TMEM17: variants seen among roughly 807,000 people sequenced by gnomAD.
TMEM17 encodes transmembrane protein 17.
In TMEM17, 15 loss-of-function variants were observed where a neutral mutation model predicts 19.1. The observed-to-expected ratio is 0.78, with a 90% confidence interval of 0.52 to 1.21. The LOEUF (loss-of-function observed/expected upper bound fraction) is 1.21. TMEM17 is among the 50% of genes most tolerant of loss of function. The pLI, the probability that TMEM17 is intolerant of heterozygous loss-of-function variation, is 0.00. For synonymous variants in TMEM17, 103 were observed against 86.9 expected (o/e 1.19, Z -1.03); for missense variants, 245 against 242.3 (o/e 1.01, Z -0.07).
At chr2:62,502,572 GT>G (rs1679957659) in intron 2 of TMEM17, 22 bp from the exon 3 acceptor site, 1 of 1,534,770 alleles carries the variant, frequency 6.5e-7, no homozygotes, top group African/African-American at 1.4e-5. Flanking sequence ...GCCAAAACAT[GT>G]TTGTAAAATC....
At chr2:62,479,672 G>A in the TMEM17 span, among the ~76,000 whole-genome samples, 1 of 152,054 alleles carries the variant, frequency 6.6e-6, no homozygotes, top group South Asian at 2.1e-4. Context: ...GACTGCTTGA[G>A]CCCAGGAGTT....
At chr2:62,505,659 C>T (rs1158462836) in intron 1 of TMEM17, among the ~76,000 whole-genome samples, 1 of 152,214 alleles carries the variant, frequency 6.6e-6, no homozygotes, top group Non-Finnish European at 1.5e-5. Flanking sequence ...CAACTTGGGC[C>T]TTCGCTCTCG....
chr2:62,476,185 C>CA, the TMEM17 span, among the ~76,000 whole-genome samples: 3 of 151,544 alleles, frequency 2.0e-5, no homozygotes, highest in African/African-American at 7.4e-5. Flanking sequence ...ATATAGGGCA[C>CA]AAAAATGCCC....
chr2:62,497,786 G>T (rs73934246), downstream of TMEM17, among the ~76,000 whole-genome samples: 2,893 of 152,316 alleles, frequency 0.019, 91 homozygotes, highest in African/African-American at 0.064. Flanking sequence ...TGGTGTTGAT[G>T]TAGGGTTAAT....
chr2:62,475,482 G>A, the TMEM17 span, among the ~76,000 whole-genome samples: 1 of 152,252 alleles, frequency 6.6e-6, no homozygotes, highest in Non-Finnish European at 1.5e-5. Flanking sequence ...CTGTTTTCTA[G>A]GCTGCTGCTC....
At chr2:62,464,034 T>G in the TMEM17 span, 2 of 152,314 alleles carry the variant, frequency 1.3e-5, no homozygotes, top group East Asian at 1.9e-4. Context: ...GAGAGCCACT[T>G]TTATTGGCAA....
At chr2:62,491,930 A>C in the TMEM17 span, among the ~76,000 whole-genome samples, 220 of 151,940 alleles carry the variant, frequency 1.4e-3, no homozygotes, top group African/African-American at 5.0e-3. Context: ...AAAACCAAAA[A>C]AAAAAAAAAA....
the TMEM17 span, among the ~76,000 whole-genome samples, chr2:62,493,036 T>C: frequency 9.6e-4 from 142 of 148,238 alleles, no homozygotes; most frequent in Middle Eastern, 3.4e-3. Context: ...CGTTTGTTTG[T>C]TTGTTTTGTT....
At chr2:62,475,035 C>A in the TMEM17 span, among the ~76,000 whole-genome samples, 2 of 152,178 alleles carry the variant, frequency 1.3e-5, no homozygotes, top group African/African-American at 2.4e-5. Context: ...TATCTTAGAA[C>A]AATTAAACCT....
At chr2:62,458,805 C>G in the TMEM17 span, among the ~76,000 whole-genome samples, 514 of 152,258 alleles carry the variant, frequency 3.4e-3, 13 homozygotes, top group Non-Finnish European at 6.2e-4. Context: ...CATCTGTGAG[C>G]GTGACAGCTG....
the TMEM17 span, among the ~76,000 whole-genome samples, chr2:62,458,945 T>A: frequency 6.6e-6 from 1 of 152,206 alleles, no homozygotes; most frequent in Non-Finnish European, 1.5e-5. Flanking sequence ...GCCTCAGTCT[T>A]TAAGGCAGAT....
chr2:62,495,499 C>A (rs1679755882), downstream of TMEM17, among the ~76,000 whole-genome samples: 4 of 152,156 alleles, frequency 2.6e-5, no homozygotes, highest in Non-Finnish European at 1.5e-5. Context: ...TTAAAACCCC[C>A]AAATTAACAG....
the TMEM17 span, among the ~76,000 whole-genome samples, chr2:62,453,697 C>G: frequency 1.3e-5 from 2 of 152,206 alleles, no homozygotes; most frequent in Non-Finnish European, 2.9e-5. Context: ...CTCCTTTACT[C>G]TTAAAAGTGG....
the TMEM17 span, among the ~76,000 whole-genome samples, chr2:62,465,412 C>G: frequency 3.9e-5 from 6 of 152,126 alleles, no homozygotes; most frequent in African/African-American, 1.4e-4. Flanking sequence ...GAATGGTACA[C>G]AGAACTCTGT....
Position 62,501,448 on chromosome 2 carries a change from A to G in TMEM17, c.358T>C (p.Leu120=). 1.2e-6 allele frequency: 2 copies of G among 1,613,866 alleles called. No homozygotes were observed. Among genetic ancestry groups the G allele is most frequent in the East Asian group, 4.5e-5 (2 of 44,886 alleles). The change falls in exon 4 of 4, where the codon TTG becomes CTG. Residue 120 remains leucine, a synonymous_variant. Transcript: ENST00000335390. ...LAGFWLLSLL[L]QLPLILFLLF... ...AAGAAAAGAATTAAAGGTAACTGCA[A>G]TAGAAGGCTCAAAAGCCAAAAGCCA...
chr2:62,485,527 G>A, the TMEM17 span, among the ~76,000 whole-genome samples: 3 of 152,110 alleles, frequency 2.0e-5, no homozygotes, highest in Non-Finnish European at 4.4e-5. Flanking sequence ...TTTCCACCAC[G>A]ACTTTGCCCT....
chr2:62,505,348 A>T (rs1266342283), intron 1 of TMEM17, among the ~76,000 whole-genome samples: 1 of 152,206 alleles, frequency 6.6e-6, no homozygotes. Flanking sequence ...TTACCTTATG[A>T]TAAGAGTTAC....
At chr2:62,500,121 G>C (rs1679880987), downstream of TMEM17, 2 of 152,142 alleles carry the variant, frequency 1.3e-5, no homozygotes, top group South Asian at 2.1e-4. Flanking sequence ...CCACTACATA[G>C]AAAGTTCTCT....
At chr2:62,469,308 A>C in the TMEM17 span, among the ~76,000 whole-genome samples, 1 of 152,202 alleles carries the variant, frequency 6.6e-6, no homozygotes, top group East Asian at 1.9e-4. Context: ...CATGTTATGC[A>C]AGGCTGGGAG....
Sources: allele counts gnomAD v4.1 joint callset (sites outside exome capture counted in the v4.1 genomes callset), GRCh38; gene constraint gnomAD v4.1.1; transcripts MANE v1.5; gene names NCBI Gene and HGNC (gene_info 2026-07-23, HGNC 2026-07-21).